The following RAB28 variants were observed in gnomAD, a reference collection of about 807,000 sequenced individuals.
RAB28 encodes ras-related protein Rab-28.
A neutral mutation model predicts 31.7 loss-of-function variants in RAB28; 24 were observed. The observed-to-expected ratio is 0.76, with a 90% CI of 0.55 to 1.06. The LOEUF (loss-of-function observed/expected upper bound fraction) is 1.06, where lower values mean the gene tolerates loss of function less well. Among genes scored for constraint, RAB28 ranks in the 50% least tolerant of loss-of-function variants. The probability of loss-of-function intolerance (pLI) is 0.00; values close to 1 mark genes in which losing one functional copy is unlikely to be tolerated. For missense variants in RAB28, 254 were observed against 258.5 expected, an observed-to-expected ratio of 0.98 and a Z score of 0.12; for synonymous variants, 100 against 90.4, an observed-to-expected ratio of 1.11 and a Z score of -0.60.
At chr4:13,465,964 C>T (rs545977534) in intron 3 of RAB28, among the ~76,000 whole-genome samples, 10 of 151,908 alleles carry the variant, frequency 6.6e-5, no homozygotes, top group Non-Finnish European at 1.2e-4. Context: ...CAGAAATACA[C>T]AATGGAAAAA....
At chr4:13,426,798 A>T (rs1577203683) in intron 4 of RAB28, among the ~76,000 whole-genome samples, 1 of 152,310 alleles carries the variant, frequency 6.6e-6, no homozygotes, top group Admixed American at 6.5e-5. Context: ...GCTGACCTTC[A>T]AAATATTTTA....
At chr4:13,371,284 T>C in intron 6 of RAB28, 2 of 985,346 alleles carry the variant, frequency 2.0e-6, no homozygotes, top group South Asian at 9.4e-5. Context: ...AACTGCCAAA[T>C]GAGGTATGAA....
At chr4:13,388,247 G>A (rs1729468119) in intron 4 of RAB28, among the ~76,000 whole-genome samples, 2 of 151,966 alleles carry the variant, frequency 1.3e-5, no homozygotes, top group African/African-American at 4.8e-5. Flanking sequence ...CTATAAGGAG[G>A]CCAATACAAC....
intron 6 of RAB28, among the ~76,000 whole-genome samples, chr4:13,373,986 T>A (rs988433626): frequency 6.6e-6 from 1 of 150,936 alleles, no homozygotes; most frequent in Non-Finnish European, 1.5e-5. Flanking sequence ...TATGTGTGTG[T>A]GTATATATAT....
chr4:13,367,732 A>G lies in RAB28; in HGVS notation c.*826T>C, dbSNP rs1350867285. 9.2e-6 allele frequency: 9 copies of G among 981,598 alleles called. 1 individual carries two copies. In the Admixed American group the frequency reaches 5.5e-4, roughly 60 times the overall value. The allele number at this position is 981,598 out of a possible 1,614,324, so 60.8% of individuals were successfully genotyped here. Reference sequence around the variant, plus strand: ...AAAATTGCCAAAAGAAGTAATTTAAATAAGTTTATTTGTGAAAGAAAAACA... The same window carrying G: ...AAAATTGCCAAAAGAAGTAATTTAAGTAAGTTTATTTGTGAAAGAAAAACA... On this transcript the variant is annotated 3_prime_UTR_variant, in exon 7 of 7. Coordinates refer to ENST00000330852, the MANE Select transcript of RAB28 (RefSeq NM_001017979.3).
chr4:13,424,450 C>A (rs987133159), intron 4 of RAB28, among the ~76,000 whole-genome samples: 1 of 152,176 alleles, frequency 6.6e-6, no homozygotes, highest in Non-Finnish European at 1.5e-5. Flanking sequence ...TCTCTCTTCT[C>A]GTAAGTCATT....
intron 4 of RAB28, among the ~76,000 whole-genome samples, chr4:13,408,758 T>C (rs184627193): frequency 2.2e-4 from 34 of 152,290 alleles, no homozygotes; most frequent in African/African-American, 8.2e-4. Context: ...CTAAATTTTA[T>C]AAATTGACTA....
chr4:13,460,219 T>C (rs1041207925), intron 4 of RAB28, among the ~76,000 whole-genome samples: 1 of 152,156 alleles, frequency 6.6e-6, no homozygotes, highest in African/African-American at 2.4e-5. Flanking sequence ...CAAACATTAT[T>C]TCTCAAACTT....
intron 4 of RAB28, among the ~76,000 whole-genome samples, chr4:13,408,620 G>T (rs974389103): frequency 6.6e-6 from 1 of 151,886 alleles, no homozygotes; most frequent in African/African-American, 2.4e-5. Context: ...AAAAAAAGCG[G>T]GCTAAAATCC....
At chr4:13,410,494 T>C (rs1712375465) in intron 4 of RAB28, among the ~76,000 whole-genome samples, 1 of 152,028 alleles carries the variant, frequency 6.6e-6, no homozygotes, top group South Asian at 2.1e-4. Context: ...ATTTCTAAGG[T>C]AATAACTTAG....
chr4:13,419,705 A>G (rs1713007719), intron 4 of RAB28, among the ~76,000 whole-genome samples: 1 of 152,214 alleles, frequency 6.6e-6, no homozygotes. Flanking sequence ...GAAACCAATG[A>G]GAACAAAGAC....
At chr4:13,471,505 T>C (rs1716119479) in intron 3 of RAB28, among the ~76,000 whole-genome samples, 1 of 152,030 alleles carries the variant, frequency 6.6e-6, no homozygotes. Context: ...TATCATCCTT[T>C]TTTTTTCTTC....
At chr4:13,416,198 C>T (rs1422807054) in intron 4 of RAB28, among the ~76,000 whole-genome samples, 1 of 152,132 alleles carries the variant, frequency 6.6e-6, no homozygotes, top group Non-Finnish European at 1.5e-5. Context: ...CCCTTCCACA[C>T]TGTGGAAGCT....
chr4:13,388,387 T>C (rs993232575), intron 4 of RAB28, among the ~76,000 whole-genome samples: 1 of 151,892 alleles, frequency 6.6e-6, no homozygotes, highest in African/African-American at 2.4e-5. Context: ...ATTAAAGACC[T>C]TAACATAAAA....
intron 6 of RAB28, chr4:13,371,712 G>C (rs542778232): frequency 2.0e-6 from 3 of 1,531,640 alleles, no homozygotes; most frequent in South Asian, 2.5e-5. Flanking sequence ...TAAACTTCAT[G>C]GTAGGTGGTT....
At chr4:13,430,436 G>T (rs926235860) in intron 4 of RAB28, among the ~76,000 whole-genome samples, 4 of 152,156 alleles carry the variant, frequency 2.6e-5, no homozygotes, top group African/African-American at 9.7e-5. Context: ...GTAGGTGGGG[G>T]TGCTTCTCCA....
chr4:13,443,160 T>A (rs1244832950), intron 4 of RAB28, among the ~76,000 whole-genome samples: 2 of 152,070 alleles, frequency 1.3e-5, no homozygotes, highest in Non-Finnish European at 2.9e-5. Flanking sequence ...AAACAACAAC[T>A]ATGTGTGTAA....
At chr4:13,476,707 A>G (rs2108974583) in intron 2 of RAB28, among the ~76,000 whole-genome samples, 1 of 151,624 alleles carries the variant, frequency 6.6e-6, no homozygotes, top group Admixed American at 6.6e-5. Context: ...CTATAAAGCT[A>G]TATAAGAATA....
intron 6 of RAB28, chr4:13,371,398 TA>T: frequency 1.0e-6 from 1 of 985,338 alleles, no homozygotes; most frequent in Non-Finnish European, 1.2e-6. Context: ...GGGATTTTCA[TA>T]ATCAGTAAGC....
Sources: gnomAD v4.1 joint callset for allele counts (sites outside exome capture counted in the v4.1 genomes callset) on GRCh38, gnomAD v4.1.1 for gene constraint, MANE v1.5 for transcripts, NCBI Gene and HGNC (gene_info 2026-07-23, HGNC 2026-07-21) for gene names.